The following NLRC4 variants were observed in gnomAD, a reference collection of about 807,000 sequenced individuals.
NLRC4 encodes the protein NLR family CARD domain containing 4.
In NLRC4, 63 loss-of-function variants were observed where a neutral mutation model predicts 79.9. That is an observed-to-expected ratio of 0.79 (90% confidence interval 0.64 to 0.97). The LOEUF (loss-of-function observed/expected upper bound fraction) is 0.97, where lower values mean the gene tolerates loss of function less well. NLRC4 is among the 50% of genes least tolerant of loss of function. The pLI is 0.00. For synonymous variants in NLRC4, 461 were observed against 456.5 expected, an observed-to-expected ratio of 1.01 and a Z score of -0.12; for missense variants, 1,074 against 1,215.2, an observed-to-expected ratio of 0.88 and a Z score of 1.73.
intron 2 of NLRC4, among the ~76,000 whole-genome samples, chr2:32,256,185 C>G (rs1053470519): frequency 6.6e-6 from 1 of 152,200 alleles, no homozygotes; most frequent in East Asian, 1.9e-4. Context: ...CAGAATATCT[C>G]TTTGTCTAGA....
intron 5 of NLRC4, among the ~76,000 whole-genome samples, chr2:32,238,665 G>T (rs1035821442): frequency 1.1e-3 from 25 of 22,334 alleles, no homozygotes; most frequent in African/African-American, 4.1e-3. Flanking sequence ...CTTAAACAGC[G>T]GGGGGGCTGA....
In NLRC4 at chr2:32,236,324, T is replaced by C. The variant is rs2148934139; in HGVS notation, c.2537A>G (p.Asn846Ser). The change falls in exon 7 of 9, where the codon AAT becomes AGT. Residue 846 changes from asparagine (N) to serine (S), a missense_variant. Physicochemically the swap from Asn to Ser is conservative, Grantham distance 46. Transcript: ENST00000402280. ...AVKILAQNLH[N>S]LVKLSILDLS... ...ATCAAGAATGCTCAGTTTGACCAAA[T>C]TGTGAAGATTCTGAGCTGGGGAAAA... 2 of 1,605,364 alleles carry C rather than the reference T, an allele frequency of 1.2e-6. No individual in the cohort carries two copies. Among genetic ancestry groups the C allele is most frequent in the Non-Finnish European group, 1.7e-6 (2 of 1,175,766 alleles).
chr2:32,258,629 A>AT (rs1687265966), intron 1 of NLRC4, among the ~76,000 whole-genome samples: 1 of 152,218 alleles, frequency 6.6e-6, no homozygotes, highest in African/African-American at 2.4e-5. Context: ...AAGATGAGGC[A>AT]TTTGTTCTTT....
rs1339411417 is a variant in NLRC4, at chr2:32,235,586, CA to C, written c.2615-19del. The C allele has an allele frequency of 6.2e-7, 1 of 1,610,554 alleles. No individual in the cohort carries two copies. On this transcript the variant is annotated intron_variant, in intron 7 of 8. Transcript: ENST00000402280. ...CCTGTCGACTGGAAGAAACAAAGAGCAGTTCAGGGACTGGATGGTCTCAAAA... is the reference window on the plus strand; with the variant it reads ...CCTGTCGACTGGAAGAAACAAAGAGCGTTCAGGGACTGGATGGTCTCAAAA...
rs771648968 is a variant in NLRC4 at position 32,251,299 on chromosome 2, C to T, written c.565G>A (p.Gly189Arg). ...AACTTGGTCAGAGCCTTGCACTTTC[C>T]GGAGCCCCAGAGCATGGCAATTCGC... is the stretch of plus-strand genomic sequence containing the variant. ...LQRIAMLWGS[G>R]KCKALTKFKF... The change falls in exon 4 of 9, where the codon GGA becomes AGA. Residue 189 changes from glycine to arginine, a missense_variant. Coordinates refer to ENST00000402280, the MANE Select transcript of NLRC4 (RefSeq NM_001199138.2). 25 of 1,613,976 alleles carry T rather than the reference C, an allele frequency of 1.5e-5. No individual in the cohort carries two copies. The highest frequency in any genetic ancestry group is 6.7e-5 in the Admixed American group (4 of 59,996).
intron 4 of NLRC4, among the ~76,000 whole-genome samples, chr2:32,243,056 GAA>G (rs935945449): frequency 8.8e-5 from 13 of 148,366 alleles, no homozygotes; most frequent in African/African-American, 2.2e-4. Flanking sequence ...TTTAATGAAA[GAA>G]AGAGAGAGAG....
Position 32,251,000 on chromosome 2 carries a change from C to G in NLRC4, c.864G>C (p.Arg288=). Residue 288 remains arginine (R), a synonymous_variant, in exon 4 of 9, where the codon CGG becomes CGC. Coordinates refer to ENST00000402280, the MANE Select transcript of NLRC4 (RefSeq NM_001199138.2). The surrounding 1 kb of genome is among the most constrained non-coding windows in gnomAD (Gnocchi z 4.9). ...CCTCAGCAGTCAGGGCACCAAACTG[C>G]CGTATGTGCCTCAGGCACTCAGTGG... The part of the protein sequence containing the change: ...TTTTECLRHI[R]QFGALTAEVG... 1 of 1,614,186 alleles carries G rather than the reference C, an allele frequency of 6.2e-7. No individual in the cohort carries two copies. Among genetic ancestry groups the G allele is most frequent in the Non-Finnish European group, 8.5e-7 (1 of 1,180,036 alleles).
chr2:32,235,045 C>G (rs1161976153), intron 8 of NLRC4, among the ~76,000 whole-genome samples: 1 of 152,048 alleles, frequency 6.6e-6, no homozygotes, highest in Admixed American at 6.6e-5. Flanking sequence ...GCTACATTCG[C>G]CTTTATATGT....
In NLRC4 at chr2:32,250,135, C is replaced by T; in HGVS notation, c.1729G>A (p.Ala577Thr). The T allele has an allele frequency of 6.2e-7, 1 of 1,614,130 alleles. No homozygotes were observed. The highest frequency in any genetic ancestry group is 8.5e-7 in the Non-Finnish European group (1 of 1,180,020). Reference sequence around the variant, plus strand: ...TATAAGCTTTTACCTTGAAAGAAAGCTTCAAATTCTTGGCTCAGGGCTGAT... The same window carrying T: ...TATAAGCTTTTACCTTGAAAGAAAGTTTCAAATTCTTGGCTCAGGGCTGAT... ...SKSALSQEFE[A>T]FFQGKSLYIN... Residue 577 changes from alanine to threonine, a missense_variant, in exon 4 of 9, where the codon GCT (alanine) becomes ACT (threonine). Transcript: ENST00000402280. The surrounding 1 kb of genome is among the most constrained non-coding windows in gnomAD (Gnocchi z 4.9).
intron 4 of NLRC4, among the ~76,000 whole-genome samples, chr2:32,241,898 C>T (rs1295439808): frequency 6.6e-6 from 1 of 151,900 alleles, no homozygotes; most frequent in East Asian, 1.9e-4. Flanking sequence ...GTATTGCATA[C>T]TTATATTAGA....
chr2:32,239,866 C>G (rs1358966494), intron 5 of NLRC4, among the ~76,000 whole-genome samples: 1 of 152,164 alleles, frequency 6.6e-6, no homozygotes, highest in African/African-American at 2.4e-5. Flanking sequence ...CCCCTTCCAG[C>G]TCTGATTTTC....
At position 32,250,971 on chromosome 2, in the gene NLRC4, C is replaced by T. The variant is rs1465061859; in HGVS notation, c.893G>A (p.Gly298Glu). Residue 298 changes from glycine (G) to glutamate (E), a missense_variant, in exon 4 of 9, where the codon GGG becomes GAG. Physicochemically the swap from Gly to Glu is moderately conservative, Grantham distance 98 (BLOSUM62 -2). Coordinates refer to ENST00000402280, the MANE Select transcript of NLRC4 (RefSeq NM_001199138.2). The surrounding 1 kb of genome is among the most constrained non-coding windows in gnomAD (Gnocchi z 4.9). ...CTGGGCGCTGTCTTCTGTCATATCC[C>T]CCACCTCAGCAGTCAGGGCACCAAA... Reference protein sequence around the residue: ...RQFGALTAEVGDMTEDSAQAL... With the variant: ...RQFGALTAEVEDMTEDSAQAL... The T allele has an allele frequency of 6.2e-7, 1 of 1,614,176 alleles. No individual in the cohort carries two copies. Among genetic ancestry groups the T allele is most frequent in the Non-Finnish European group, 8.5e-7 (1 of 1,180,040 alleles).
rs1395516738 is a variant in NLRC4, at chr2:32,238,235, C to G, written c.2418G>C (p.Glu806Asp). The G allele has an allele frequency of 1.2e-6, 2 of 1,613,340 alleles. No homozygotes were observed. Among genetic ancestry groups the G allele is most frequent in the African/African-American group, 2.7e-5 (2 of 74,908 alleles). ...GAGACTTGACTATGTAATCCATTCC[C>G]TCTCCAATGTCAGACAAGTGGGTCA... ...FHLTHLSDIG[E>D]GMDYIVKSLS... The change falls in exon 6 of 9, where the codon GAG becomes GAC. Residue 806 changes from glutamate to aspartate, a missense_variant. Transcript: ENST00000402280.
chr2:32,234,543 C>G (rs2148933232), intron 8 of NLRC4, among the ~76,000 whole-genome samples: 1 of 152,336 alleles, frequency 6.6e-6, no homozygotes, highest in East Asian at 1.9e-4. Flanking sequence ...CCTGATGAGC[C>G]TGACCTCCTT....
At chr2:32,258,214 G>A (rs890549720) in intron 1 of NLRC4, among the ~76,000 whole-genome samples, 3 of 152,156 alleles carry the variant, frequency 2.0e-5, no homozygotes, top group Non-Finnish European at 2.9e-5. Context: ...GCCTGCTGGC[G>A]TGCCGATGTC....
intron 8 of NLRC4, among the ~76,000 whole-genome samples, chr2:32,226,394 AGG>A (rs1170550792): frequency 1.3e-5 from 2 of 152,224 alleles, no homozygotes; most frequent in African/African-American, 4.8e-5. Context: ...GAGTTTCGAA[AGG>A]TCTTCAGGTT....
At chr2:32,249,154 G>T (rs1433271943) in intron 4 of NLRC4, among the ~76,000 whole-genome samples, 1 of 152,166 alleles carries the variant, frequency 6.6e-6, no homozygotes, top group Non-Finnish European at 1.5e-5. Context: ...GGGCCACATT[G>T]GAAGAATTGT....
intron 1 of NLRC4, among the ~76,000 whole-genome samples, chr2:32,260,251 C>G (rs1246363126): frequency 8.1e-6 from 1 of 123,502 alleles, no homozygotes; most frequent in Non-Finnish European, 1.7e-5. Context: ...AAAAAAAAAA[C>G]TAGAGTTTAT....
Position 32,236,373 on chromosome 2 carries a change from T to A in NLRC4, c.2522-34A>T, listed in dbSNP as rs201788299. 3.6e-4 allele frequency: 480 copies of A among 1,318,994 alleles called. 3 individuals are homozygous for A. The East Asian group carries it at 0.011, about 30-fold the overall frequency. 81.7% of individuals were successfully genotyped at this position (1,318,994 alleles called of 1,614,324 possible). A position where few individuals can be genotyped will look rare whatever the true frequency, so the allele number is the denominator to read the frequency against. ...AAAAAGTAATCCAAAATAAAAAGATTTTCAGGTAAATATAAATGTATTTTG... is the reference window on the plus strand; with the variant it reads ...AAAAAGTAATCCAAAATAAAAAGATATTCAGGTAAATATAAATGTATTTTG... On this transcript the variant is annotated intron_variant, in intron 6 of 8. Transcript: ENST00000402280.
Sources: allele counts gnomAD v4.1 joint callset (sites outside exome capture counted in the v4.1 genomes callset), GRCh38; gene constraint gnomAD v4.1.1; non-coding constraint Gnocchi (gnomAD v3.1); transcripts MANE v1.5; gene names NCBI Gene and HGNC (gene_info 2026-07-23, HGNC 2026-07-21).